Variants in DMXL2 observed in about 807,000 individuals in gnomAD.
DMXL2 encodes the protein Dmx like 2.
Under a neutral mutation model 331.1 loss-of-function variants are expected in DMXL2, and 103 were observed. The observed-to-expected ratio is 0.31, with a 90% CI of 0.27 to 0.37. The LOEUF (loss-of-function observed/expected upper bound fraction) is 0.37. Ranked by LOEUF, DMXL2 falls within the 10% of genes least tolerant of loss-of-function variation. The probability of loss-of-function intolerance (pLI) is 1.00; values close to 1 mark genes in which losing one functional copy is unlikely to be tolerated. For missense variants in DMXL2, 3,171 were observed against 3,642.9 expected, an observed-to-expected ratio of 0.87 and a Z score of 3.33; for synonymous variants, 1,281 against 1,252.1, an observed-to-expected ratio of 1.02 and a Z score of -0.49.
At chr15:51,552,966 T>C (rs2049314110) in intron 6 of DMXL2, among the ~76,000 whole-genome samples, 1 of 151,598 alleles carries the variant, frequency 6.6e-6, no homozygotes, top group Non-Finnish European at 1.5e-5. Flanking sequence ...CACTTGGTGT[T>C]TGTTCCCTTG....
intron 14 of DMXL2, 145 bp from the exon 15 acceptor site, chr15:51,514,704 G>C (rs2046935741): frequency 2.1e-5 from 12 of 585,320 alleles, no homozygotes; most frequent in Admixed American, 3.7e-5. Flanking sequence ...AAAGAAAAAA[G>C]CAACAGAAGA....
At chr15:51,463,310 C>T in intron 33 of DMXL2, 69 bp downstream of exon 33, 1 of 999,520 alleles carries the variant, frequency 1.0e-6, no homozygotes, top group Admixed American at 2.3e-5. Context: ...AAATCAAGCA[C>T]TGATTTCCTT....
At chr15:51,592,358 G>A (rs544305145) in intron 1 of DMXL2, among the ~76,000 whole-genome samples, 54 of 152,268 alleles carry the variant, frequency 3.5e-4, no homozygotes, top group Non-Finnish European at 7.4e-5. Flanking sequence ...AAGAAGAGAA[G>A]TTAAGAGAAA....
chr15:51,507,239 G>C lies in DMXL2; in HGVS notation c.2659C>G (p.Pro887Ala). The stretch of plus-strand genomic sequence containing the variant: ...ACTAGAAAGAACTTTTCTGAAAATG[G>C]TGGTGGGCGGTATCCTATTATTCAA... ...FQPSQGYRPPPFSEKFFLVVI... is the reference protein window; with the variant it reads ...FQPSQGYRPPAFSEKFFLVVI... The change falls in exon 16 of 44, where the codon CCA becomes GCA. Residue 887 changes from proline to alanine, a missense_variant. By Grantham distance (27) the Pro-to-Ala change is conservative (BLOSUM62 -1). Coordinates refer to ENST00000560891, the MANE Select transcript of DMXL2 (RefSeq NM_001378457.1). 2 of 1,610,020 alleles carry C rather than the reference G, an allele frequency of 1.2e-6. No individual in the cohort carries two copies. The highest frequency in any genetic ancestry group is 2.7e-5 in the African/African-American group (2 of 74,884).
chr15:51,457,595 T>C, intron 36 of DMXL2, 129 bp from the exon 37 acceptor site: 1 of 1,084,414 alleles, frequency 9.2e-7, no homozygotes, highest in Non-Finnish European at 1.3e-6. Context: ...GAGAAAAACT[T>C]AGGTACAAGT....
In DMXL2 at chr15:51,480,940, T is replaced by G. The variant is rs150163605; in HGVS notation, c.6166A>C (p.Arg2056=). 7.2e-4 allele frequency: 1,169 copies of G among 1,613,836 alleles called. No homozygotes were observed. The highest frequency in any genetic ancestry group is 2.4e-3 in the Admixed American group (144 of 59,984). Residue 2056 remains arginine (R), a synonymous_variant, in exon 24 of 44, where the codon AGA becomes CGA. Transcript: ENST00000560891. The stretch of plus-strand genomic sequence containing the variant: ...ACTTCATAACCTGTAGCCAATGTTC[T>G]TAATTCAGTCATAAGGATCTTTAAA... The part of the protein sequence containing the change: ...ACLKILMTEL[R]TLATGYEVDG...
At chr15:51,601,164 G>A (rs1034932197) in intron 1 of DMXL2, among the ~76,000 whole-genome samples, 4 of 151,618 alleles carry the variant, frequency 2.6e-5, no homozygotes, top group Non-Finnish European at 4.4e-5. Flanking sequence ...GGTGGCAGGC[G>A]CCTGTAGTCC....
intron 27 of DMXL2, 125 bp from the exon 28 acceptor site, chr15:51,474,717 G>A (rs1254033726): frequency 1.9e-5 from 20 of 1,065,300 alleles, no homozygotes; most frequent in Non-Finnish European, 2.6e-5. Context: ...CATAATTTGA[G>A]CAACAAAATA....
At chr15:51,591,679 C>A (rs891300245) in intron 1 of DMXL2, among the ~76,000 whole-genome samples, 1 of 152,202 alleles carries the variant, frequency 6.6e-6, no homozygotes, top group Non-Finnish European at 1.5e-5. Context: ...AGGCACCCCC[C>A]AGTAGGGGCA....
chr15:51,502,568 C>T (rs1214531383), intron 17 of DMXL2, among the ~76,000 whole-genome samples: 1 of 152,112 alleles, frequency 6.6e-6, no homozygotes, highest in East Asian at 1.9e-4. Flanking sequence ...AGTGATCCAC[C>T]CACCTCAGCC....
intron 16 of DMXL2, among the ~76,000 whole-genome samples, chr15:51,505,428 G>A (rs1442394111): frequency 6.6e-6 from 1 of 152,154 alleles, no homozygotes; most frequent in African/African-American, 2.4e-5. Flanking sequence ...CTCCCACAAG[G>A]ACCTGTTACT....
rs548621745 is a variant in DMXL2, at chr15:51,459,630, G to T, written c.7957C>A (p.Gln2653Lys). Residue 2653 changes from glutamine to lysine, a missense_variant, in exon 34 of 44, where the codon CAA (glutamine) becomes AAA (lysine). Gln to Lys is a moderately conservative substitution (Grantham distance 53). Around this residue, in one of 7 missense-constraint regions of DMXL2, gnomAD observed 766 missense variants for 940.5 expected, o/e 0.81. Transcript: ENST00000560891. ...SIEEHVEQVN[Q>K]NCIAEDCHIK... ...TGGCAATCTTCTGCTATGCAGTTTTGGTTGACCTGCTCCACATGTTCTTCT... is the reference window on the plus strand; with the variant it reads ...TGGCAATCTTCTGCTATGCAGTTTTTGTTGACCTGCTCCACATGTTCTTCT... The T allele has an allele frequency of 4.5e-5, 58 of 1,289,768 alleles. No individual in the cohort carries two copies. The East Asian group carries it at 2.6e-3, about 57-fold the overall frequency. The allele number at this position is 1,289,768 out of a possible 1,614,324, so 79.9% of individuals were successfully genotyped here.
intron 37 of DMXL2, 23 bp downstream of exon 37, chr15:51,457,305 A>AATT: frequency 6.2e-7 from 1 of 1,603,394 alleles, no homozygotes. Context: ...TCCAGAAATG[A>AATT]TACCTATAAG....
At chr15:51,480,244 CT>C (rs2041912057) in intron 24 of DMXL2, 105 bp from the exon 25 acceptor site, 2 of 1,149,352 alleles carry the variant, frequency 1.7e-6, no homozygotes, top group African/African-American at 3.1e-5. Flanking sequence ...AATATGTTCG[CT>C]CACTCATTCT....
chr15:51,449,050 G>A lies in DMXL2; in HGVS notation c.9111C>T (p.Gly3037=). The A allele has an allele frequency of 1.2e-6, 2 of 1,614,172 alleles. No homozygotes were observed. Among genetic ancestry groups the A allele is most frequent in the South Asian group, 2.2e-5 (2 of 91,086 alleles). Residue 3037 remains glycine, a synonymous_variant, in exon 44 of 44, where the codon GGC becomes GGT. Transcript: ENST00000560891. ...GNRLFSCGAD[G]TLKTRVLPNA... Reference sequence around the variant, plus strand: ...TGGGCAAAACCCTGGTTTTCAGCGTGCCATCTGCACCACAGGAGAAGAGCC... The same window carrying A: ...TGGGCAAAACCCTGGTTTTCAGCGTACCATCTGCACCACAGGAGAAGAGCC...
At chr15:51,516,003 T>G (rs1271170767) in intron 14 of DMXL2, among the ~76,000 whole-genome samples, 1 of 152,174 alleles carries the variant, frequency 6.6e-6, no homozygotes, top group Non-Finnish European at 1.5e-5. Context: ...GCCCCAGTTC[T>G]GCTATCAAGA....
chr15:51,450,973 C>T lies in DMXL2; in HGVS notation c.8750-627G>A, dbSNP rs2039082814. ...TTTCTGTCTTTCTGACAATCTACTT[C>T]ATTTAACCAAACTTACTTGAGCATG... On this transcript the variant is annotated intron_variant, in intron 42 of 43. Coordinates refer to ENST00000560891, the MANE Select transcript of DMXL2 (RefSeq NM_001378457.1). Among the ~76,000 whole-genome samples the T allele has an allele frequency of 2.0e-5, 3 of 152,212 alleles. No homozygotes were observed. In the South Asian group the frequency reaches 6.2e-4, roughly 32 times the overall value.
intron 20 of DMXL2, among the ~76,000 whole-genome samples, chr15:51,491,067 G>A (rs1457534712): frequency 1.3e-5 from 2 of 152,066 alleles, no homozygotes; most frequent in Non-Finnish European, 2.9e-5. Flanking sequence ...TATAAATTCA[G>A]CCTATATAGA....
chr15:51,570,612 A>C (rs559661590), intron 2 of DMXL2, among the ~76,000 whole-genome samples: 42 of 152,350 alleles, frequency 2.8e-4, no homozygotes, highest in African/African-American at 9.9e-4. Flanking sequence ...AAACCCTATA[A>C]GCCAGAAGAC....
Sources: gnomAD v4.1 joint callset for allele counts (sites outside exome capture counted in the v4.1 genomes callset) on GRCh38, gnomAD v4.1.1 for gene constraint, gnomAD v4.1.1 regional missense constraint, MANE v1.5 for transcripts, NCBI Gene and HGNC (gene_info 2026-07-23, HGNC 2026-07-21) for gene names.